DCLRE1C: variants seen among roughly 807,000 people sequenced by gnomAD.
DCLRE1C encodes the protein DNA cross-link repair 1C.
DCLRE1C carries 47 observed loss-of-function variants against 61.4 expected under a neutral mutation model. The ratio of observed to expected loss-of-function variants is 0.77; its 90% CI spans 0.61 to 0.98. The LOEUF is 0.98. Among genes scored for constraint, DCLRE1C ranks in the 50% least tolerant of loss-of-function variants. The probability of loss-of-function intolerance (pLI) is 0.00; values close to 1 mark genes in which losing one functional copy is unlikely to be tolerated. For synonymous variants in DCLRE1C, 337 were observed against 287.6 expected (o/e 1.17, Z -1.74); for missense variants, 858 against 816.0 (o/e 1.05, Z -0.63).
intron 4 of DCLRE1C, among the ~76,000 whole-genome samples, chr10:14,938,599 G>A (rs575325534): frequency 6.6e-6 from 1 of 152,014 alleles, no homozygotes; most frequent in Non-Finnish European, 1.5e-5. Context: ...GTTAAAAAAA[G>A]GGGGGCTGTA....
At chr10:14,940,936 G>A (rs193085313) in intron 3 of DCLRE1C, among the ~76,000 whole-genome samples, 23 of 152,332 alleles carry the variant, frequency 1.5e-4, no homozygotes, top group South Asian at 4.1e-4. Context: ...AGGCTGGGGC[G>A]CAGTGGCACG....
At chr10:14,912,487 C>T (rs1835422304) in intron 13 of DCLRE1C, among the ~76,000 whole-genome samples, 1 of 152,184 alleles carries the variant, frequency 6.6e-6, no homozygotes, top group African/African-American at 2.4e-5. Flanking sequence ...CTCAAATTTT[C>T]ATAGCATTAT....
At chr10:14,915,991 A>G (rs1264882592) in intron 13 of DCLRE1C, among the ~76,000 whole-genome samples, 1 of 152,236 alleles carries the variant, frequency 6.6e-6, no homozygotes. Flanking sequence ...CAGAGTATAA[A>G]GAAAAACAAT....
At chr10:14,938,504 A>G (rs1840346483) in intron 4 of DCLRE1C, among the ~76,000 whole-genome samples, 1 of 152,208 alleles carries the variant, frequency 6.6e-6, no homozygotes, top group Non-Finnish European at 1.5e-5. Flanking sequence ...ACACCCTCAA[A>G]GTTAAACACG....
At position 14,910,483 on chromosome 10, in the gene DCLRE1C, CAG is replaced by C. The variant is rs530800436; in HGVS notation, c.1157-1155_1157-1154del. On this transcript the variant is annotated intron_variant, in intron 13 of 13. Transcript: ENST00000378278. The stretch of plus-strand genomic sequence containing the variant: ...CCATGCCCAGCTAATTTTTTTTAGA[CAG>C]TGTTTCCCCTTGTTGCCCAGGTTGG... 9.9e-5 allele frequency among the ~76,000 whole-genome samples: 15 copies of C among 152,244 alleles called. No homozygotes were observed. The South Asian group carries it at 3.1e-3, about 32-fold the overall frequency.
At chr10:14,925,100 G>A (rs1837738898) in intron 11 of DCLRE1C, among the ~76,000 whole-genome samples, 1 of 151,858 alleles carries the variant, frequency 6.6e-6, no homozygotes. Context: ...TTCACAAACA[G>A]TATCTTTTGT....
At chr10:14,938,129 G>A (rs368261774) in intron 4 of DCLRE1C, among the ~76,000 whole-genome samples, 8 of 152,088 alleles carry the variant, frequency 5.3e-5, no homozygotes, top group East Asian at 3.9e-4. Context: ...CCTGGTTGGA[G>A]CTGGATAAAC....
chr10:14,926,657 C>CAA (rs74328549), intron 11 of DCLRE1C, among the ~76,000 whole-genome samples, 186 bp downstream of exon 11: 111 of 64,338 alleles, frequency 1.7e-3, no homozygotes, highest in South Asian at 0.015. Flanking sequence ...CTGTCTCAAC[C>CAA]AAAAAAAAAA....
In DCLRE1C at chr10:14,925,829, G is replaced by A. The variant is rs41298918; in HGVS notation, c.972+1014C>T. On this transcript the variant is annotated intron_variant, in intron 11 of 13. Transcript: ENST00000378278. ...AATAGATGGCAAAAAGGAAACTTTC[G>A]ATATGGTTTGGCTGCGTCCCTACCC... Among the ~76,000 whole-genome samples the A allele has an allele frequency of 5.2e-3, 793 of 152,278 alleles. 10 individuals are homozygous for A. The highest frequency in any genetic ancestry group is 0.018 in the African/African-American group (755 of 41,550).
chr10:14,951,644 A>G (rs7092528), intron 1 of DCLRE1C, among the ~76,000 whole-genome samples: 27,261 of 151,914 alleles, frequency 0.18, 4,057 homozygotes, highest in African/African-American at 0.4. Context: ...TGGTTTCTGG[A>G]GAGGGCACTT....
Position 14,949,107 on chromosome 10 carries a change from A to T in DCLRE1C, c.110-20T>A, listed in dbSNP as rs774642668. ...TGTGATCTAAAAACAAAAGAACAAA[A>T]ACTCATGAATATGTTTTTCCAGAGG... On this transcript the variant is annotated intron_variant, in intron 1 of 13. Transcript: ENST00000378278. 6.4e-7 allele frequency: 1 copy of T among 1,565,158 alleles called. No individual in the cohort carries two copies. Among genetic ancestry groups the T allele is most frequent in the South Asian group, 1.1e-5 (1 of 89,710 alleles).
At chr10:14,913,391 CA>C (rs1302181194) in intron 13 of DCLRE1C, among the ~76,000 whole-genome samples, 2 of 152,098 alleles carry the variant, frequency 1.3e-5, no homozygotes, top group African/African-American at 4.8e-5. Context: ...TATGGTGTAT[CA>C]ATTATACTTC....
intron 13 of DCLRE1C, chr10:14,911,436 G>A (rs1404563149): frequency 6.6e-6 from 1 of 152,162 alleles, no homozygotes; most frequent in East Asian, 1.9e-4. Flanking sequence ...AATTATGCAG[G>A]ACCTAAAAAG....
At chr10:14,945,353 G>T in intron 2 of DCLRE1C, 164 bp from the exon 3 acceptor site, 2 of 1,374,262 alleles carry the variant, frequency 1.5e-6, no homozygotes, top group Non-Finnish European at 9.5e-7. Context: ...GCCTGGCATG[G>T]TTATGAAATC....
chr10:14,922,852 A>T, intron 12 of DCLRE1C, 129 bp downstream of exon 12: 1 of 727,628 alleles, frequency 1.4e-6, no homozygotes, highest in South Asian at 1.5e-5. Context: ...AATGGAAATG[A>T]GTATCAGTTC....
chr10:14,943,620 T>A (rs1456224940), intron 3 of DCLRE1C, among the ~76,000 whole-genome samples: 2 of 152,234 alleles, frequency 1.3e-5, no homozygotes, highest in African/African-American at 4.8e-5. Flanking sequence ...TGGCACGATC[T>A]CAGCTCACTG....
At chr10:14,904,397 A>C (rs906849036), downstream of DCLRE1C, 1 of 149,486 alleles carries the variant, frequency 6.7e-6, no homozygotes, top group Admixed American at 6.7e-5. Context: ...TTTAAGAAAA[A>C]TCAGTCACAT....
At chr10:14,943,772 C>T (rs1841248948) in intron 3 of DCLRE1C, among the ~76,000 whole-genome samples, 1 of 152,188 alleles carries the variant, frequency 6.6e-6, no homozygotes. Flanking sequence ...TGTTCTCTAT[C>T]TGACCTCAGG....
chr10:14,923,824 G>A (rs892619415), intron 11 of DCLRE1C: 1 of 152,448 alleles, frequency 6.6e-6, no homozygotes, highest in Non-Finnish European at 1.5e-5. Flanking sequence ...CTTGGTGTTG[G>A]AGTCACCAAG....
Sources: allele counts gnomAD v4.1 joint callset (sites outside exome capture counted in the v4.1 genomes callset), GRCh38; gene constraint gnomAD v4.1.1; transcripts MANE v1.5; gene names NCBI Gene and HGNC (gene_info 2026-07-23, HGNC 2026-07-21).